Variants in SBF2 observed in about 807,000 individuals in gnomAD.
SBF2 encodes myotubularin-related protein 13.
A neutral mutation model predicts 225.2 loss-of-function variants in SBF2; 112 were observed. The ratio of observed to expected loss-of-function variants is 0.50; its 90% CI spans 0.43 to 0.58. SBF2 has a LOEUF of 0.58. SBF2 is among the 20% of genes least tolerant of loss of function. The probability of loss-of-function intolerance (pLI) is 0.00; values close to 1 mark genes in which losing one functional copy is unlikely to be tolerated. For synonymous variants in SBF2, 763 were observed against 773.3 expected (o/e 0.99, Z 0.22); for missense variants, 1,996 against 2,206.2 (o/e 0.90, Z 1.91).
intron 39 of SBF2, among the ~76,000 whole-genome samples, 192 bp downstream of exon 39, chr11:9,781,315 T>TA (rs1425713913): frequency 6.6e-6 from 1 of 152,206 alleles, no homozygotes; most frequent in Non-Finnish European, 1.5e-5. Flanking sequence ...TTCTGAGACA[T>TA]ACAGACAGGA....
At chr11:10,206,382 T>TA (rs1591211559) in intron 1 of SBF2, among the ~76,000 whole-genome samples, 1 of 151,952 alleles carries the variant, frequency 6.6e-6, no homozygotes, top group Admixed American at 6.5e-5. Context: ...CCTACAAAAT[T>TA]AGACTATGGT....
chr11:10,166,416 G>GC (rs1354564604), intron 2 of SBF2, among the ~76,000 whole-genome samples: 4 of 152,124 alleles, frequency 2.6e-5, no homozygotes, highest in African/African-American at 9.7e-5. Flanking sequence ...CTACCAGTCA[G>GC]CCTTTTTATA....
At chr11:10,148,680 G>GT (rs1407539029) in intron 2 of SBF2, among the ~76,000 whole-genome samples, 20 of 151,962 alleles carry the variant, frequency 1.3e-4, no homozygotes, top group African/African-American at 4.8e-4. Flanking sequence ...GAAGATATCT[G>GT]TCCTGTCTCC....
At chr11:10,112,050 C>G (rs1430442872) in intron 2 of SBF2, among the ~76,000 whole-genome samples, 1 of 152,150 alleles carries the variant, frequency 6.6e-6, no homozygotes, top group African/African-American at 2.4e-5. Flanking sequence ...GATGTAGTCT[C>G]TAATTTCAAG....
intron 29 of SBF2, among the ~76,000 whole-genome samples, chr11:9,813,941 T>C (rs958787598): frequency 2.0e-5 from 3 of 147,876 alleles, no homozygotes; most frequent in African/African-American, 7.4e-5. Context: ...GACTCCACCT[T>C]AAAAAAAAAA....
intron 16 of SBF2, among the ~76,000 whole-genome samples, chr11:9,916,481 T>TC (rs1863101723): frequency 6.6e-6 from 1 of 152,232 alleles, no homozygotes. Context: ...TACATTTTTT[T>TC]CACACTCGGT....
chr11:10,250,745 C>T (rs1371663427), intron 1 of SBF2, among the ~76,000 whole-genome samples: 1 of 152,186 alleles, frequency 6.6e-6, no homozygotes, highest in East Asian at 1.9e-4. Flanking sequence ...AACTTGAAGA[C>T]TGGATGTTCT....
At chr11:10,171,443 T>G (rs542590806) in intron 2 of SBF2, among the ~76,000 whole-genome samples, 76 of 152,320 alleles carry the variant, frequency 5.0e-4, no homozygotes, top group Non-Finnish European at 8.5e-4. Flanking sequence ...TCACGTTGAT[T>G]GGTGTGTGTG....
chr11:10,088,750 C>T (rs1213699347), intron 2 of SBF2, among the ~76,000 whole-genome samples: 1 of 152,172 alleles, frequency 6.6e-6, no homozygotes, highest in Non-Finnish European at 1.5e-5. Flanking sequence ...AAACACTTTC[C>T]ATTAGGGCCT....
chr11:9,832,473 A>T, intron 26 of SBF2, 53 bp from the exon 27 acceptor site: 1 of 1,306,726 alleles, frequency 7.7e-7, no homozygotes, highest in Admixed American at 1.7e-5. Context: ...AACAGAGGGG[A>T]AGAAAAGGGG....
chr11:10,197,671 T>C (rs1016246431), intron 1 of SBF2, among the ~76,000 whole-genome samples: 7 of 152,332 alleles, frequency 4.6e-5, no homozygotes, highest in Non-Finnish European at 8.8e-5. Flanking sequence ...TAGCATGCAA[T>C]GCTGTTTGAT....
intron 16 of SBF2, among the ~76,000 whole-genome samples, chr11:9,930,652 C>T (rs1453851028): frequency 6.6e-6 from 1 of 152,198 alleles, no homozygotes; most frequent in Non-Finnish European, 1.5e-5. Flanking sequence ...TGAACAGGAA[C>T]AGCTCTGGTC....
At chr11:9,906,042 C>G (rs1266808969) in intron 16 of SBF2, among the ~76,000 whole-genome samples, 4 of 152,124 alleles carry the variant, frequency 2.6e-5, no homozygotes, top group Non-Finnish European at 5.9e-5. Flanking sequence ...ATAATAATCC[C>G]AGAATGCAGC....
intron 2 of SBF2, among the ~76,000 whole-genome samples, chr11:10,110,059 A>T (rs1952762373): frequency 6.6e-6 from 1 of 152,236 alleles, no homozygotes; most frequent in Non-Finnish European, 1.5e-5. Context: ...CCATGGAGGA[A>T]ATCCATGAAC....
Position 9,961,942 on chromosome 11 carries a change from A to G in SBF2, c.1860+15T>C. 1.2e-6 allele frequency: 2 copies of G among 1,606,744 alleles called. No homozygotes were observed. Among genetic ancestry groups the G allele is most frequent in the Non-Finnish European group, 1.7e-6 (2 of 1,174,498 alleles). ...TCTCAAATAAGAGGAATAATCTGAA[A>G]GAACTACAAATTACCTGTAGAGTAC... is the stretch of plus-strand genomic sequence containing the variant. On this transcript the variant is annotated intron_variant, in intron 16 of 39. Transcript: ENST00000256190.
At chr11:10,131,074 G>A (rs1280244366) in intron 2 of SBF2, among the ~76,000 whole-genome samples, 2 of 152,150 alleles carry the variant, frequency 1.3e-5, no homozygotes, top group Non-Finnish European at 2.9e-5. Flanking sequence ...ATATGGTTAA[G>A]TGTATAGTTA....
chr11:9,830,498 G>C (rs1282967179), intron 27 of SBF2, among the ~76,000 whole-genome samples: 1 of 152,168 alleles, frequency 6.6e-6, no homozygotes, highest in Non-Finnish European at 1.5e-5. Context: ...CCAGCACTTA[G>C]GAAGGCTGAG....
At chr11:9,996,406 T>G (rs1330419574) in intron 9 of SBF2, among the ~76,000 whole-genome samples, 2 of 152,228 alleles carry the variant, frequency 1.3e-5, no homozygotes, top group Non-Finnish European at 1.5e-5. Flanking sequence ...ATTTTGTTTT[T>G]TGAGATGGAG....
At chr11:10,063,560 T>C (rs1282992132) in intron 2 of SBF2, among the ~76,000 whole-genome samples, 1 of 151,642 alleles carries the variant, frequency 6.6e-6, no homozygotes, top group African/African-American at 2.4e-5. Flanking sequence ...GGTTTCATCA[T>C]GTTAGCCAGG....
Sources: gnomAD v4.1 joint callset for allele counts (sites outside exome capture counted in the v4.1 genomes callset) on GRCh38, gnomAD v4.1.1 for gene constraint, MANE v1.5 for transcripts, NCBI Gene and HGNC (gene_info 2026-07-23, HGNC 2026-07-21) for gene names.